NUDT3: variants seen among roughly 807,000 people sequenced by gnomAD.
The protein encoded by NUDT3 is diphosphoinositol polyphosphate phosphohydrolase 1.
NUDT3 carries 9 observed loss-of-function variants against 23.6 expected under a neutral mutation model. The ratio of observed to expected loss-of-function variants is 0.38; its 90% CI spans 0.23 to 0.66. The LOEUF is 0.66. Ranked by LOEUF, NUDT3 falls within the 30% of genes least tolerant of loss-of-function variation. NUDT3 has a pLI of 0.52. For missense variants in NUDT3, 172 were observed against 218.5 expected (o/e 0.79, Z 1.34); for synonymous variants, 86 against 82.6 (o/e 1.04, Z -0.22).
chr6:34,362,474 T>C (rs1764665316), intron 1 of NUDT3, among the ~76,000 whole-genome samples: 1 of 151,980 alleles, frequency 6.6e-6, no homozygotes, highest in African/African-American at 2.4e-5. Flanking sequence ...GTGGGCTAGC[T>C]CATGGATTAA....
intron 2 of NUDT3, among the ~76,000 whole-genome samples, chr6:34,314,284 G>A (rs1347968323): frequency 6.6e-6 from 1 of 151,738 alleles, no homozygotes; most frequent in African/African-American, 2.4e-5. Flanking sequence ...CGGGCGCAGT[G>A]GCTCACACCT....
rs375215287 is a variant in NUDT3 at position 34,323,222 on chromosome 6, CAAATCTAAATTT to C, written c.210+18628_210+18639del. On this transcript the variant is annotated intron_variant, in intron 2 of 4. Transcript: ENST00000607016. ...TATACCCATGTGCACATGTATCCCC[CAAATCTAAATTT>C]TAAAATGGAAAGAAGGAAAGAGAGG... Among the ~76,000 whole-genome samples, 499 of 148,260 alleles carry C rather than the reference CAAATCTAAATTT, an allele frequency of 3.4e-3. 3 individuals carry two copies. The highest frequency in any genetic ancestry group is 7.5e-3 in the African/African-American group (302 of 40,208).
At chr6:34,320,171 T>C (rs536371810) in intron 2 of NUDT3, among the ~76,000 whole-genome samples, 2 of 152,240 alleles carry the variant, frequency 1.3e-5, no homozygotes. Flanking sequence ...AGGAAATATA[T>C]CAAAATGTTA....
intron 1 of NUDT3, among the ~76,000 whole-genome samples, chr6:34,379,903 A>C (rs1287256652): frequency 6.6e-6 from 1 of 151,714 alleles, no homozygotes; most frequent in East Asian, 2.0e-4. Context: ...GCTACTTGGG[A>C]GGTGGAGGCA....
chr6:34,296,702 C>T (rs1282744374), intron 2 of NUDT3, among the ~76,000 whole-genome samples: 1 of 152,160 alleles, frequency 6.6e-6, no homozygotes, highest in Non-Finnish European at 1.5e-5. Context: ...AGCGATGTAA[C>T]AGTGAATAGG....
intron 1 of NUDT3, among the ~76,000 whole-genome samples, chr6:34,378,420 T>C (rs55973194): frequency 0.021 from 3,154 of 152,332 alleles, 108 homozygotes; most frequent in African/African-American, 0.072. Context: ...ACTGGATTAG[T>C]TGAGGAGGCT....
intron 1 of NUDT3, among the ~76,000 whole-genome samples, chr6:34,351,525 T>C (rs946117881): frequency 6.0e-5 from 9 of 149,482 alleles, no homozygotes; most frequent in Non-Finnish European, 1.0e-4. Context: ...GCATGTCACC[T>C]GAGGTCAGGA....
chr6:34,314,870 C>T (rs1259669802), intron 2 of NUDT3, among the ~76,000 whole-genome samples: 1 of 152,100 alleles, frequency 6.6e-6, no homozygotes, highest in Non-Finnish European at 1.5e-5. Flanking sequence ...GATATCTATG[C>T]TCCGGACAAG....
In NUDT3 at chr6:34,330,101, A is replaced by T. The variant is rs370859929; in HGVS notation, c.210+11761T>A. Among the ~76,000 whole-genome samples, 7 of 152,336 alleles carry T rather than the reference A, an allele frequency of 4.6e-5. No homozygotes were observed. In the East Asian group the frequency reaches 1.3e-3, roughly 29 times the overall value. On this transcript the variant is annotated intron_variant, in intron 2 of 4. Transcript: ENST00000607016. Reference sequence around the variant, plus strand: ...TCTTTGCTATTGTGAATAGTGCTGCAATAAACATACGTGTGCATGTGTCTT... The same window carrying T: ...TCTTTGCTATTGTGAATAGTGCTGCTATAAACATACGTGTGCATGTGTCTT...
At chr6:34,354,482 G>A (rs115692724) in intron 1 of NUDT3, among the ~76,000 whole-genome samples, 14,392 of 150,826 alleles carry the variant, frequency 0.095, 795 homozygotes, top group Non-Finnish European at 0.12. Context: ...CAACACTCTG[G>A]GAGGCCGAGG....
chr6:34,326,862 A>G (rs1238559645), intron 2 of NUDT3, among the ~76,000 whole-genome samples: 1 of 152,074 alleles, frequency 6.6e-6, no homozygotes, highest in Admixed American at 6.5e-5. Context: ...TGGCCTCCCA[A>G]AGTGCTGGGA....
chr6:34,337,955 C>T (rs887874399), intron 2 of NUDT3, among the ~76,000 whole-genome samples: 1 of 152,346 alleles, frequency 6.6e-6, no homozygotes, highest in East Asian at 1.9e-4. Flanking sequence ...CAGAAGCCAA[C>T]TGGATTTAAA....
At chr6:34,331,240 A>T (rs898048723) in intron 2 of NUDT3, among the ~76,000 whole-genome samples, 15 of 152,152 alleles carry the variant, frequency 9.9e-5, no homozygotes, top group Non-Finnish European at 1.8e-4. Context: ...GCCATTAGGA[A>T]GGCAACCTCA....
intron 1 of NUDT3, among the ~76,000 whole-genome samples, chr6:34,390,746 C>CTA (rs926488605): frequency 6.6e-6 from 1 of 152,110 alleles, no homozygotes; most frequent in Non-Finnish European, 1.5e-5. Flanking sequence ...TTTATGCATA[C>CTA]TAGTGTAGTA....
At chr6:34,334,260 G>T (rs756031249) in intron 2 of NUDT3, among the ~76,000 whole-genome samples, 1 of 152,192 alleles carries the variant, frequency 6.6e-6, no homozygotes, top group Non-Finnish European at 1.5e-5. Context: ...CATTTCTGTA[G>T]CTGTTCTAAC....
At chr6:34,289,438 G>C (rs1237766200) in intron 4 of NUDT3, among the ~76,000 whole-genome samples, 2 of 152,320 alleles carry the variant, frequency 1.3e-5, no homozygotes, top group South Asian at 2.1e-4. Context: ...ATGGTAGCAT[G>C]TGCCTGTACT....
intron 1 of NUDT3, among the ~76,000 whole-genome samples, chr6:34,364,952 T>C (rs1164113919): frequency 6.6e-6 from 1 of 151,240 alleles, no homozygotes; most frequent in Non-Finnish European, 1.5e-5. Context: ...ACCCAGGAGG[T>C]GGAGCTTGCA....
intron 1 of NUDT3, among the ~76,000 whole-genome samples, chr6:34,377,514 G>A (rs1040660332): frequency 2.0e-5 from 3 of 152,142 alleles, no homozygotes; most frequent in Non-Finnish European, 2.9e-5. Context: ...ATATTATTTA[G>A]GATAATTCTA....
chr6:34,392,175 C>T, intron 1 of NUDT3, 89 bp downstream of exon 1: 2 of 1,010,614 alleles, frequency 2.0e-6, no homozygotes, highest in Non-Finnish European at 2.9e-6. Flanking sequence ...GGCCCTGGCA[C>T]ACCCTCCTCC....
Sources: gnomAD v4.1 joint callset for allele counts (sites outside exome capture counted in the v4.1 genomes callset) on GRCh38, gnomAD v4.1.1 for gene constraint, MANE v1.5 for transcripts, NCBI Gene and HGNC (gene_info 2026-07-23, HGNC 2026-07-21) for gene names.